Variants in MAGI3 observed in about 807,000 individuals in gnomAD.
MAGI3 encodes the protein membrane associated guanylate kinase, WW and PDZ domain containing 3.
Under a neutral mutation model 121.8 loss-of-function variants are expected in MAGI3, and 43 were observed. That is an observed-to-expected ratio of 0.35 (90% CI 0.28 to 0.46). The LOEUF (loss-of-function observed/expected upper bound fraction) is 0.46. Ranked by LOEUF, MAGI3 falls within the 20% of genes least tolerant of loss-of-function variation. The probability of loss-of-function intolerance (pLI) is 1.00; values close to 1 mark genes in which losing one functional copy is unlikely to be tolerated. For missense variants in MAGI3, 1,547 were observed against 1,797.3 expected (o/e 0.86, Z 2.52); for synonymous variants, 553 against 639.3 (o/e 0.86, Z 2.04).
chr1:113,547,239 G>T (rs1659577609), intron 1 of MAGI3, among the ~76,000 whole-genome samples: 1 of 151,564 alleles, frequency 6.6e-6, no homozygotes. Flanking sequence ...TGAGTTTTTA[G>T]CATTTTATAG....
At chr1:113,575,968 C>T (rs1430888382) in intron 2 of MAGI3, among the ~76,000 whole-genome samples, 1 of 152,224 alleles carries the variant, frequency 6.6e-6, no homozygotes, top group Non-Finnish European at 1.5e-5. Context: ...GTCCGAACTT[C>T]CTGGCGGCTT....
At chr1:113,573,074 C>T (rs1260889748) in intron 2 of MAGI3, among the ~76,000 whole-genome samples, 6 of 152,042 alleles carry the variant, frequency 3.9e-5, no homozygotes, top group Admixed American at 1.3e-4. Context: ...TACAGGTGCC[C>T]GCCACTACAC....
intron 1 of MAGI3, among the ~76,000 whole-genome samples, chr1:113,434,582 C>G (rs1046548099): frequency 7.9e-5 from 12 of 152,192 alleles, no homozygotes; most frequent in African/African-American, 2.9e-4. Context: ...CAGCTGCTCT[C>G]TTTATTGAGA....
chr1:113,517,132 T>C (rs1471636519), intron 1 of MAGI3, among the ~76,000 whole-genome samples: 1 of 151,856 alleles, frequency 6.6e-6, no homozygotes, highest in Non-Finnish European at 1.5e-5. Flanking sequence ...AAAAAAACTT[T>C]AGGTAAAAAA....
At chr1:113,470,831 C>T (rs1381750602) in intron 1 of MAGI3, among the ~76,000 whole-genome samples, 2 of 152,124 alleles carry the variant, frequency 1.3e-5, no homozygotes, top group Non-Finnish European at 1.5e-5. Flanking sequence ...GTATAATACC[C>T]TCTAGGCTCA....
intron 6 of MAGI3, among the ~76,000 whole-genome samples, chr1:113,611,368 G>C (rs544269457): frequency 1.3e-5 from 2 of 152,076 alleles, no homozygotes; most frequent in African/African-American, 4.8e-5. Flanking sequence ...GATTACAGGC[G>C]TGAGTCACCG....
intron 1 of MAGI3, among the ~76,000 whole-genome samples, chr1:113,414,390 T>G (rs1034491690): frequency 6.6e-6 from 1 of 152,134 alleles, no homozygotes; most frequent in Admixed American, 6.6e-5. Flanking sequence ...ATGTTGGCCT[T>G]ATAAAATGAG....
At chr1:113,641,818 T>G in intron 9 of MAGI3, 93 bp from the exon 10 acceptor site, 1 of 1,210,546 alleles carries the variant, frequency 8.3e-7, no homozygotes, top group South Asian at 1.7e-5. Flanking sequence ...AATTCAAATT[T>G]AGTTGCTAAA....
At chr1:113,598,457 C>T (rs1162539847) in intron 6 of MAGI3, among the ~76,000 whole-genome samples, 1 of 151,920 alleles carries the variant, frequency 6.6e-6, no homozygotes, top group Non-Finnish European at 1.5e-5. Flanking sequence ...ATAAGGATTC[C>T]TATAGACTCA....
chr1:113,612,742 T>A (rs1650232918), intron 6 of MAGI3, among the ~76,000 whole-genome samples: 1 of 152,202 alleles, frequency 6.6e-6, no homozygotes, highest in Admixed American at 6.5e-5. Context: ...GGACTGTTAA[T>A]CTCTTAGTTG....
At chr1:113,563,508 C>A (rs1291764020) in intron 2 of MAGI3, among the ~76,000 whole-genome samples, 1 of 152,074 alleles carries the variant, frequency 6.6e-6, no homozygotes, top group Non-Finnish European at 1.5e-5. Flanking sequence ...TCAGCAGTAC[C>A]CTAGCAGTCA....
At chr1:113,453,538 T>C (rs1406966248) in intron 1 of MAGI3, among the ~76,000 whole-genome samples, 1 of 152,212 alleles carries the variant, frequency 6.6e-6, no homozygotes, top group Non-Finnish European at 1.5e-5. Flanking sequence ...CAAATTGGCA[T>C]AAAAGCAGTG....
At chr1:113,462,658 A>T (rs1305804887) in intron 1 of MAGI3, among the ~76,000 whole-genome samples, 1 of 152,140 alleles carries the variant, frequency 6.6e-6, no homozygotes, top group Non-Finnish European at 1.5e-5. Context: ...CCCTTGACAC[A>T]TGTTTACCTA....
chr1:113,401,103 C>G (rs1019925545), intron 1 of MAGI3, among the ~76,000 whole-genome samples: 3 of 152,100 alleles, frequency 2.0e-5, no homozygotes, highest in African/African-American at 7.2e-5. Context: ...CAGATATTAT[C>G]ATCTTCCTTT....
intron 15 of MAGI3, 70 bp from the exon 16 acceptor site, chr1:113,659,010 C>T (rs574451309): frequency 3.0e-5 from 37 of 1,230,686 alleles, no homozygotes; most frequent in Admixed American, 9.0e-5. Flanking sequence ...TTTTAAATGA[C>T]GTTGATTATA....
chr1:113,623,999 A>T (rs115525487), intron 9 of MAGI3, among the ~76,000 whole-genome samples: 1,814 of 152,292 alleles, frequency 0.012, 41 homozygotes, highest in African/African-American at 0.041. Flanking sequence ...TAACATAATG[A>T]TCTTCAGTTC....
intron 2 of MAGI3, among the ~76,000 whole-genome samples, chr1:113,565,301 C>T (rs777009408): frequency 1.2e-4 from 18 of 152,168 alleles, no homozygotes; most frequent in Non-Finnish European, 1.9e-4. Context: ...ATCCTCATAT[C>T]GGGCATTACA....
intron 1 of MAGI3, among the ~76,000 whole-genome samples, chr1:113,400,197 G>A (rs1238421303): frequency 1.3e-5 from 2 of 151,986 alleles, no homozygotes; most frequent in Admixed American, 6.6e-5. Context: ...TCAGAGCAGG[G>A]GTAGACAGTT....
chr1:113,589,454 A>G (rs1276105536), intron 4 of MAGI3, among the ~76,000 whole-genome samples: 1 of 152,100 alleles, frequency 6.6e-6, no homozygotes, highest in African/African-American at 2.4e-5. Flanking sequence ...TGATTTAGCC[A>G]GGCAGTATTA....
Sources: gnomAD v4.1 joint callset for allele counts (sites outside exome capture counted in the v4.1 genomes callset) on GRCh38, gnomAD v4.1.1 for gene constraint, MANE v1.5 for transcripts, NCBI Gene and HGNC (gene_info 2026-07-23, HGNC 2026-07-21) for gene names.